The following PNO1 variants were observed in gnomAD, a reference collection of about 807,000 sequenced individuals.
PNO1 encodes partner of NOB1 homolog.
A neutral mutation model predicts 28.4 loss-of-function variants in PNO1; 16 were observed. The observed-to-expected ratio is 0.56, with a 90% CI of 0.38 to 0.85. The LOEUF is 0.85. PNO1 is among the 40% of genes least tolerant of loss of function. The pLI is 0.00. For synonymous variants in PNO1, 115 were observed against 110.8 expected, an observed-to-expected ratio of 1.04 and a Z score of -0.24; for missense variants, 304 against 312.2, an observed-to-expected ratio of 0.97 and a Z score of 0.20.
In PNO1 at chr2:68,158,150, C is replaced by T. The variant is rs767468581; in HGVS notation, c.207+9C>T. 1.3e-6 allele frequency: 2 copies of T among 1,586,492 alleles called. No individual in the cohort carries two copies. The highest frequency in any genetic ancestry group is 2.7e-5 in the African/African-American group (2 of 74,666). ...GTGGGGACGGGCTCCTGGTATGTGG[C>T]TGGGACCCTAGGACAGCAACGAGGC... On this transcript the variant is annotated intron_variant, in intron 1 of 6. Transcript: ENST00000263657.
intron 5 of PNO1, among the ~76,000 whole-genome samples, chr2:68,170,545 A>G (rs1335955985): frequency 1.3e-5 from 2 of 152,126 alleles, no homozygotes; most frequent in African/African-American, 4.8e-5. Context: ...CAGGAGATCG[A>G]GACCATCCTG....
intron 6 of PNO1, among the ~76,000 whole-genome samples, chr2:68,174,288 G>GTTTTTTT (rs34323809): frequency 1.9e-5 from 2 of 106,800 alleles, no homozygotes; most frequent in Non-Finnish European, 3.7e-5. Flanking sequence ...TTCTGTTAAG[G>GTTTTTTT]TTTTTTTTTT....
intron 5 of PNO1, among the ~76,000 whole-genome samples, chr2:68,171,599 T>C (rs1201582791): frequency 6.6e-6 from 1 of 152,202 alleles, no homozygotes; most frequent in Non-Finnish European, 1.5e-5. Flanking sequence ...GTTTTGTTCA[T>C]CTGCAGGTGT....
intron 3 of PNO1, 86 bp from the exon 4 acceptor site, chr2:68,162,179 A>T: frequency 2.0e-6 from 2 of 978,842 alleles, no homozygotes; most frequent in South Asian, 1.5e-5. Context: ...GAGTTTGTGG[A>T]TTTTAGTTCC....
intron 3 of PNO1, 77 bp downstream of exon 3, chr2:68,161,843 A>C: frequency 1.0e-6 from 1 of 980,262 alleles, no homozygotes; most frequent in South Asian, 1.4e-5. Flanking sequence ...TAGGCATTAA[A>C]AAAAAAAAAG....
chr2:68,159,539 C>T (rs758366117), intron 2 of PNO1, among the ~76,000 whole-genome samples: 2 of 151,944 alleles, frequency 1.3e-5, no homozygotes, highest in South Asian at 4.1e-4. Context: ...GCTATCAATC[C>T]GGGAATTAGA....
intron 2 of PNO1, 119 bp from the exon 3 acceptor site, chr2:68,161,564 G>C (rs1482117389): frequency 1.5e-6 from 1 of 683,668 alleles, no homozygotes; most frequent in African/African-American, 1.8e-5. Context: ...AATATATTAG[G>C]GAAAGGTGGT....
intron 2 of PNO1, among the ~76,000 whole-genome samples, chr2:68,159,129 A>G (rs58845160): frequency 0.41 from 62,216 of 151,974 alleles, 13,057 homozygotes; most frequent in South Asian, 0.62. Context: ...TTATACTGTT[A>G]TGAGACCACC....
intron 5 of PNO1, 186 bp from the exon 6 acceptor site, chr2:68,173,161 A>T (rs750806045): frequency 2.2e-6 from 1 of 448,784 alleles, no homozygotes; most frequent in Non-Finnish European, 3.9e-6. Flanking sequence ...CTCTACAGGC[A>T]CGTGCTACTA....
At chr2:68,172,468 G>A (rs905184814) in intron 5 of PNO1, among the ~76,000 whole-genome samples, 3 of 152,210 alleles carry the variant, frequency 2.0e-5, no homozygotes, top group Non-Finnish European at 2.9e-5. Flanking sequence ...AGCTTTAGCT[G>A]ATTTGTACAG....
rs1673862194 is a variant in PNO1 at position 68,162,549 on chromosome 2, A to C, written c.506A>C (p.Lys169Thr). 6.2e-7 allele frequency: 1 copy of C among 1,607,460 alleles called. No individual in the cohort carries two copies. Among genetic ancestry groups the C allele is most frequent in the Admixed American group, 1.7e-5 (1 of 59,884 alleles). ...FLESFEITDV[K>T]PLKGDHLSRA... ...AGATCTTGCTTTTCTTGTTTAGTTA[A>C]ACCCCTAAAGGGAGACCATCTATCC... The change falls in exon 5 of 7, where the codon AAA (lysine) becomes ACA (threonine). Residue 169 changes from lysine (K) to threonine (T), a missense_variant. By Grantham distance (78) the Lys-to-Thr change is moderately conservative. Coordinates refer to ENST00000263657, the MANE Select transcript of PNO1 (RefSeq NM_020143.4).
chr2:68,173,135 A>C, intron 5 of PNO1: 1 of 278,640 alleles, frequency 3.6e-6, no homozygotes, highest in Non-Finnish European at 6.3e-6. Flanking sequence ...TCTGTCACTC[A>C]GGTTGGCATG....
chr2:68,169,987 T>C (rs754089811), intron 5 of PNO1, among the ~76,000 whole-genome samples: 1 of 152,212 alleles, frequency 6.6e-6, no homozygotes, highest in African/African-American at 2.4e-5. Flanking sequence ...ATGAGAATAA[T>C]GTTGCTACTG....
rs10153614 is a variant in PNO1 at position 68,163,590 on chromosome 2, C to T, written c.620+927C>T. ...ATACATACATACATACATACTTACTCAAGGGAATCTATTAAATCACTAGGG... is the reference window on the plus strand; with the variant it reads ...ATACATACATACATACATACTTACTTAAGGGAATCTATTAAATCACTAGGG... On this transcript the variant is annotated intron_variant, in intron 5 of 6. Coordinates refer to ENST00000263657, the MANE Select transcript of PNO1 (RefSeq NM_020143.4). 3.2e-3 allele frequency among the ~76,000 whole-genome samples: 456 copies of T among 140,694 alleles called. 3 individuals are homozygous for T. Among genetic ancestry groups the T allele is most frequent in the African/African-American group, 0.014 (428 of 31,162 alleles). 92.3% of individuals were successfully genotyped at this position (140,694 alleles called of 152,430 possible).
rs115309417 is a variant in PNO1, at chr2:68,168,432, A to G, written c.621-4915A>G. 6.6e-3 allele frequency among the ~76,000 whole-genome samples: 998 copies of G among 152,312 alleles called. 11 individuals are homozygous for G. The highest frequency in any genetic ancestry group is 0.023 in the African/African-American group (963 of 41,556). ...TGGGATCAGTCTCTTGTCCAATCAA[A>G]GCTGTAGTTACTGTTTGTGGAACAG... On this transcript the variant is annotated intron_variant, in intron 5 of 6. Transcript: ENST00000263657.
intron 6 of PNO1, among the ~76,000 whole-genome samples, 166 bp from the exon 7 acceptor site, chr2:68,174,569 A>T (rs1674222869): frequency 6.6e-6 from 1 of 152,068 alleles, no homozygotes; most frequent in African/African-American, 2.4e-5. Context: ...ATATGGGAGG[A>T]TGTGGGTAGT....
At chr2:68,169,022 G>A (rs1489511419) in intron 5 of PNO1, among the ~76,000 whole-genome samples, 9 of 146,358 alleles carry the variant, frequency 6.1e-5, no homozygotes, top group East Asian at 4.1e-4. Flanking sequence ...TCCACCTCCC[G>A]GGTTCAATGG....
intron 2 of PNO1, 104 bp downstream of exon 2, chr2:68,158,633 T>G (rs1360101414): frequency 9.6e-7 from 1 of 1,038,770 alleles, no homozygotes; most frequent in African/African-American, 1.6e-5. Context: ...TGTTGTATGG[T>G]TTTTGTCCAG....
In PNO1 at chr2:68,173,555, G is replaced by A. The variant is rs568980205; in HGVS notation, c.691+138G>A. 4 of 555,182 alleles carry A rather than the reference G, an allele frequency of 7.2e-6. No individual in the cohort carries two copies. The East Asian group carries it at 1.3e-4, about 18-fold the overall frequency. 34.4% of individuals were successfully genotyped at this position (555,182 alleles called of 1,614,324 possible). Reference sequence around the variant, plus strand: ...GAAACCCTTGGGAGTTGGCAAAGGTGGGCCTAGAGAAGGAAGTAGAATTTT... The same window carrying A: ...GAAACCCTTGGGAGTTGGCAAAGGTAGGCCTAGAGAAGGAAGTAGAATTTT... On this transcript the variant is annotated intron_variant, in intron 6 of 6. Transcript: ENST00000263657.
Sources: allele counts gnomAD v4.1 joint callset (sites outside exome capture counted in the v4.1 genomes callset), GRCh38; gene constraint gnomAD v4.1.1; transcripts MANE v1.5; gene names NCBI Gene and HGNC (gene_info 2026-07-23, HGNC 2026-07-21).